The following UBA6 variants were observed in gnomAD, a reference collection of about 807,000 sequenced individuals.
UBA6 encodes ubiquitin like modifier activating enzyme 6.
A neutral mutation model predicts 148.3 loss-of-function variants in UBA6; 87 were observed. That is an observed-to-expected ratio of 0.59 (90% CI 0.49 to 0.70). UBA6 has a LOEUF of 0.70. UBA6 is among the 30% of genes least tolerant of loss of function. The pLI is 0.00. For synonymous variants in UBA6, 376 were observed against 401.0 expected (o/e 0.94, Z 0.75); for missense variants, 1,186 against 1,241.2 (o/e 0.96, Z 0.67).
At chr4:67,688,354 C>T (rs1424805525) in intron 2 of UBA6, among the ~76,000 whole-genome samples, 1 of 152,070 alleles carries the variant, frequency 6.6e-6, no homozygotes, top group African/African-American at 2.4e-5. Flanking sequence ...CAGACTCACG[C>T]ACATCTTCAG....
At chr4:67,682,016 A>C in intron 3 of UBA6, 103 bp downstream of exon 3, 1 of 822,992 alleles carries the variant, frequency 1.2e-6, no homozygotes, top group Non-Finnish European at 2.0e-6. Context: ...AACATTTTGG[A>C]TCTAACTTCC....
rs539784629 is a variant in UBA6 at position 67,656,375 on chromosome 4, C to T, written c.1104+5814G>A. On this transcript the variant is annotated intron_variant, in intron 13 of 32. Coordinates refer to ENST00000322244, the MANE Select transcript of UBA6 (RefSeq NM_018227.6). ...GCCCTGGGATGCAAGGCTGGTTCAA[C>T]ATATGCAAATCAATAAATGTAATCT... Among the ~76,000 whole-genome samples, 6 of 152,326 alleles carry T rather than the reference C, an allele frequency of 3.9e-5. No individual in the cohort carries two copies. In the East Asian group the frequency reaches 9.6e-4, roughly 24 times the overall value.
chr4:67,663,824 A>C, intron 11 of UBA6, 61 bp downstream of exon 11: 1 of 1,377,336 alleles, frequency 7.3e-7, no homozygotes, highest in East Asian at 2.3e-5. Context: ...CTTCATAATC[A>C]CTCACTAATT....
intron 1 of UBA6, among the ~76,000 whole-genome samples, chr4:67,700,155 G>A (rs1015636499): frequency 2.6e-5 from 4 of 152,126 alleles, no homozygotes; most frequent in African/African-American, 9.7e-5. Context: ...CTTCAAATAA[G>A]GCGCGGGTTA....
In UBA6 at chr4:67,649,148, G is replaced by A. The variant is rs545999664; in HGVS notation, c.1168C>T (p.Leu390Phe). ...SWTAQGFLSP[L>F]AAAVGGVASQ... ...GCAACACCTCCTACTGCTGCAGCAA[G>A]TGGAGATAAAAAGCCTTGGGCAGTC... is the stretch of plus-strand genomic sequence containing the variant. Residue 390 changes from leucine to phenylalanine, a missense_variant, in exon 14 of 33, where the codon CTT becomes TTT. Transcript: ENST00000322244. 5.0e-6 allele frequency: 8 copies of A among 1,614,058 alleles called. No homozygotes were observed. In the African/African-American group the frequency reaches 1.1e-4, roughly 22 times the overall value.
intron 11 of UBA6, chr4:67,663,512 A>C (rs1227070203): frequency 8.5e-6 from 3 of 351,986 alleles, no homozygotes; most frequent in Non-Finnish European, 1.5e-5. Context: ...TTTTAAAAAA[A>C]AATAGAATAC....
chr4:67,651,551 A>C (rs145056400), intron 13 of UBA6, among the ~76,000 whole-genome samples: 1 of 152,308 alleles, frequency 6.6e-6, no homozygotes, highest in East Asian at 1.9e-4. Flanking sequence ...ACCAGTGAAC[A>C]AAGTAAGAGC....
chr4:67,662,327 T>A, intron 12 of UBA6, 72 bp from the exon 13 acceptor site: 1 of 1,335,212 alleles, frequency 7.5e-7, no homozygotes, highest in Non-Finnish European at 1.0e-6. Flanking sequence ...TACTCAAAAT[T>A]AAAATTTAGG....
chr4:67,690,927 C>A (rs1730679774), intron 2 of UBA6, among the ~76,000 whole-genome samples: 1 of 152,118 alleles, frequency 6.6e-6, no homozygotes, highest in African/African-American at 2.4e-5. Context: ...ACCACATAAT[C>A]CAGCAATTCC....
At chr4:67,621,524 C>T (rs549902279) in intron 32 of UBA6, among the ~76,000 whole-genome samples, 5 of 152,282 alleles carry the variant, frequency 3.3e-5, no homozygotes, top group East Asian at 1.9e-4. Context: ...GTACATGGGC[C>T]GGGCACAGTG....
intron 2 of UBA6, among the ~76,000 whole-genome samples, chr4:67,685,364 AG>A (rs1293974684): frequency 6.6e-6 from 1 of 152,180 alleles, no homozygotes; most frequent in East Asian, 1.9e-4. Flanking sequence ...TTTACAATAA[AG>A]TCTAAATTCT....
chr4:67,698,523 G>C (rs1730894030), intron 1 of UBA6, among the ~76,000 whole-genome samples: 1 of 152,212 alleles, frequency 6.6e-6, no homozygotes, highest in African/African-American at 2.4e-5. Context: ...AAGAGGCTGA[G>C]GGAGGTTAAC....
intron 7 of UBA6, 101 bp from the exon 8 acceptor site, chr4:67,670,693 A>C (rs1204110929): frequency 3.6e-6 from 3 of 828,696 alleles, no homozygotes; most frequent in African/African-American, 1.7e-5. Flanking sequence ...AATTAAGTAT[A>C]CCTTACACAA....
At chr4:67,698,043 T>G (rs1357870707) in intron 1 of UBA6, among the ~76,000 whole-genome samples, 1 of 152,236 alleles carries the variant, frequency 6.6e-6, no homozygotes, top group Non-Finnish European at 1.5e-5. Flanking sequence ...CAAGCCACAC[T>G]GACTTGTTTG....
chr4:67,644,774 C>T lies in UBA6; in HGVS notation c.1400G>A (p.Gly467Glu). 6.3e-7 allele frequency: 1 copy of T among 1,597,088 alleles called. No individual in the cohort carries two copies. ...CATTTCACAGCCTATGGCTCCACAC[C>T]CTACCTATGGAGGAGAAAAATGGTA... Reference protein sequence around the residue: ...KLQNLNIFLVGCGAIGCEMLK... With the variant: ...KLQNLNIFLVECGAIGCEMLK... Residue 467 changes from glycine to glutamate, a missense_variant, in exon 17 of 33, where the codon GGG (glycine) becomes GAG (glutamate). Physicochemically the swap from Gly to Glu is moderately conservative, Grantham distance 98. Transcript: ENST00000322244.
chr4:67,671,307 T>C (rs949120863), intron 7 of UBA6, among the ~76,000 whole-genome samples: 1 of 152,142 alleles, frequency 6.6e-6, no homozygotes, highest in African/African-American at 2.4e-5. Flanking sequence ...ATTAAGTATA[T>C]TGATATTACG....
At chr4:67,637,783 C>G (rs935333238) in intron 19 of UBA6, among the ~76,000 whole-genome samples, 1 of 151,950 alleles carries the variant, frequency 6.6e-6, no homozygotes. Flanking sequence ...TCTCAAGTAC[C>G]CAGGGACACA....
chr4:67,671,782 C>A (rs997637854), intron 7 of UBA6, among the ~76,000 whole-genome samples: 2 of 152,056 alleles, frequency 1.3e-5, no homozygotes, highest in African/African-American at 4.8e-5. Flanking sequence ...GTGGAACAAC[C>A]CCAAAAACAA....
intron 2 of UBA6, among the ~76,000 whole-genome samples, chr4:67,690,944 G>A (rs1218305434): frequency 1.3e-5 from 2 of 151,980 alleles, no homozygotes; most frequent in African/African-American, 4.8e-5. Context: ...TTCCATTTTG[G>A]GTTATTTCTC....
Sources: gnomAD v4.1 joint callset for allele counts (sites outside exome capture counted in the v4.1 genomes callset) on GRCh38, gnomAD v4.1.1 for gene constraint, MANE v1.5 for transcripts, NCBI Gene and HGNC (gene_info 2026-07-23, HGNC 2026-07-21) for gene names.